The following CUX2 variants were observed in gnomAD, a reference collection of about 807,000 sequenced individuals.
CUX2 encodes the protein cut like homeobox 2.
Under a neutral mutation model 144.8 loss-of-function variants are expected in CUX2, and 40 were observed. The observed-to-expected ratio is 0.28, with a 90% CI of 0.21 to 0.36. The LOEUF (loss-of-function observed/expected upper bound fraction) is 0.36, where lower values mean the gene tolerates loss of function less well. CUX2 is among the 10% of genes least tolerant of loss of function. The pLI, the probability that CUX2 is intolerant of heterozygous loss-of-function variation, is 1.00. For synonymous variants in CUX2, 827 were observed against 875.6 expected (o/e 0.94, Z 0.98); for missense variants, 1,615 against 1,994.0 (o/e 0.81, Z 3.62).
In CUX2 at chr12:111,077,505, C is replaced by T. The variant is rs77494298; in HGVS notation, c.63+43265C>T. Among the ~76,000 whole-genome samples the T allele has an allele frequency of 0.017, 2,549 of 152,252 alleles. 59 individuals are homozygous for T. The highest frequency in any genetic ancestry group is 0.019 in the Non-Finnish European group (1,292 of 68,026). On this transcript the variant is annotated intron_variant, in intron 1 of 21. Transcript: ENST00000261726. The surrounding 1 kb of genome is among the most constrained non-coding windows in gnomAD (Gnocchi z 4.1). Reference sequence around the variant, plus strand: ...AATAATTTACGGTCCCTCGGAGCGGCGAGGAGCAGGTCACTGGAGTTCATG... The same window carrying T: ...AATAATTTACGGTCCCTCGGAGCGGTGAGGAGCAGGTCACTGGAGTTCATG...
chr12:111,257,980 G>C lies in CUX2; in HGVS notation c.223-5781G>C, dbSNP rs563483729. On this transcript the variant is annotated intron_variant, in intron 3 of 21. Coordinates refer to ENST00000261726, the MANE Select transcript of CUX2 (RefSeq NM_015267.4). ...GCTCACTTGTTCTCAGCATGTGGGT[G>C]AAATGCATTGAGTTTCAGCCCTTGG... 4.6e-5 allele frequency among the ~76,000 whole-genome samples: 7 copies of C among 152,324 alleles called. No homozygotes were observed. In the East Asian group the frequency reaches 1.4e-3, roughly 29 times the overall value.
chr12:111,248,772 G>A (rs1029955215), intron 3 of CUX2, among the ~76,000 whole-genome samples: 1 of 152,208 alleles, frequency 6.6e-6, no homozygotes, highest in Non-Finnish European at 1.5e-5. Flanking sequence ...GGTGGCCGCT[G>A]TCGATGGAAA....
chr12:111,083,015 G>A (rs1400477402), intron 1 of CUX2, among the ~76,000 whole-genome samples: 1 of 152,156 alleles, frequency 6.6e-6, no homozygotes, highest in Admixed American at 6.5e-5. Flanking sequence ...ATTTGTGGCC[G>A]TTTCATGGTA....
At chr12:111,199,289 C>G (rs955350713) in intron 1 of CUX2, among the ~76,000 whole-genome samples, 1 of 152,172 alleles carries the variant, frequency 6.6e-6, no homozygotes. Context: ...GAGCAGCAAG[C>G]AGGATTCGAA....
At chr12:111,113,209 G>C (rs1182155243) in intron 1 of CUX2, among the ~76,000 whole-genome samples, 1 of 152,166 alleles carries the variant, frequency 6.6e-6, no homozygotes, top group Admixed American at 6.5e-5. Flanking sequence ...GGTGCATCAG[G>C]CCTTGACCAT....
intron 1 of CUX2, among the ~76,000 whole-genome samples, chr12:111,159,213 C>A (rs974341253): frequency 5.9e-5 from 9 of 152,150 alleles, no homozygotes; most frequent in East Asian, 3.9e-4. Flanking sequence ...GTGGCGCGAT[C>A]GTAGCTCGCT....
chr12:111,042,911 C>T (rs563276832), intron 1 of CUX2, among the ~76,000 whole-genome samples: 2 of 151,656 alleles, frequency 1.3e-5, no homozygotes, highest in Non-Finnish European at 2.9e-5. Context: ...GCTGGGATTA[C>T]AGGTGTGAGC....
intron 1 of CUX2, among the ~76,000 whole-genome samples, chr12:111,147,393 C>T (rs1876750626): frequency 6.6e-6 from 1 of 152,118 alleles, no homozygotes; most frequent in African/African-American, 2.4e-5. Flanking sequence ...GATTTATGTC[C>T]CCATGGTCAA....
chr12:111,279,350 T>C (rs753457165), intron 4 of CUX2, among the ~76,000 whole-genome samples: 6 of 152,216 alleles, frequency 3.9e-5, no homozygotes, highest in African/African-American at 9.6e-5. Flanking sequence ...ACAGTTTGTA[T>C]TGAGTCCATT....
At chr12:111,196,599 C>T (rs753223539) in intron 1 of CUX2, among the ~76,000 whole-genome samples, 1 of 152,126 alleles carries the variant, frequency 6.6e-6, no homozygotes, top group African/African-American at 2.4e-5. Context: ...GGGGGGCATA[C>T]AACAAAATCG....
intron 4 of CUX2, among the ~76,000 whole-genome samples, chr12:111,268,540 C>T (rs1032522940): frequency 2.0e-4 from 30 of 152,348 alleles, no homozygotes; most frequent in African/African-American, 7.2e-4. Context: ...AGTCCAGCCA[C>T]GTGAGTTTTC....
chr12:111,125,180 ATT>A (rs113174761), intron 1 of CUX2, among the ~76,000 whole-genome samples: 2,369 of 141,220 alleles, frequency 0.017, 52 homozygotes, highest in African/African-American at 0.058. Flanking sequence ...CTATTCTGGA[ATT>A]TTTTTTTTTT....
rs530772025 is a variant in CUX2, at chr12:111,289,726, T to C, written c.302-1692T>C. On this transcript the variant is annotated intron_variant, in intron 4 of 21. Coordinates refer to ENST00000261726, the MANE Select transcript of CUX2 (RefSeq NM_015267.4). The surrounding 1 kb of genome is among the most constrained non-coding windows in gnomAD (Gnocchi z 4.1). ...GGACATCTTACATCTAGATGTGTGT[T>C]TTGCCCCCGAAAAAGTCCTTAACCA... Among the ~76,000 whole-genome samples the C allele has an allele frequency of 6.6e-6, 1 of 151,890 alleles. No homozygotes were observed. Among genetic ancestry groups the C allele is most frequent in the East Asian group, 1.9e-4 (1 of 5,146 alleles).
chr12:111,193,465 TG>T (rs913137350), intron 1 of CUX2, among the ~76,000 whole-genome samples: 2 of 152,186 alleles, frequency 1.3e-5, no homozygotes, highest in Non-Finnish European at 2.9e-5. Context: ...GGATAGCTGT[TG>T]GGGGGGAGAA....
chr12:111,086,044 G>A (rs1167811930), intron 1 of CUX2, among the ~76,000 whole-genome samples: 1 of 152,218 alleles, frequency 6.6e-6, no homozygotes, highest in African/African-American at 2.4e-5. Context: ...CCTGATCCAG[G>A]AGCATAATTC....
chr12:111,192,777 A>G (rs1403625842), intron 1 of CUX2, among the ~76,000 whole-genome samples: 4 of 152,186 alleles, frequency 2.6e-5, no homozygotes, highest in African/African-American at 9.7e-5. Flanking sequence ...TAACAATACT[A>G]AGCTGCTACT....
intron 1 of CUX2, among the ~76,000 whole-genome samples, chr12:111,094,261 G>A (rs2136058625): frequency 6.6e-6 from 1 of 152,356 alleles, no homozygotes; most frequent in Non-Finnish European, 1.5e-5. Flanking sequence ...CCGCATGAAG[G>A]AGGGGAACAG....
chr12:111,089,935 G>A (rs891424272), intron 1 of CUX2, among the ~76,000 whole-genome samples: 3 of 152,206 alleles, frequency 2.0e-5, no homozygotes, highest in African/African-American at 7.2e-5. Flanking sequence ...CATTTTGAGG[G>A]TGATGGGAGC....
At chr12:111,323,915 T>C (rs1198084530) in intron 18 of CUX2, among the ~76,000 whole-genome samples, 2 of 152,042 alleles carry the variant, frequency 1.3e-5, no homozygotes, top group Admixed American at 6.6e-5. Flanking sequence ...TAGCCGGGTA[T>C]GGTAGCATGT....
Sources: gnomAD v4.1 joint callset for allele counts (sites outside exome capture counted in the v4.1 genomes callset) on GRCh38, gnomAD v4.1.1 for gene constraint, Gnocchi (gnomAD v3.1) non-coding constraint, MANE v1.5 for transcripts, NCBI Gene and HGNC (gene_info 2026-07-23, HGNC 2026-07-21) for gene names.